AFDN: variants seen among roughly 807,000 people sequenced by gnomAD.
AFDN encodes the protein afadin, adherens junction formation factor, also known as afadin.
Under a neutral mutation model 216.6 loss-of-function variants are expected in AFDN, and 68 were observed. The observed-to-expected ratio is 0.31, with a 90% CI of 0.26 to 0.38. The LOEUF (loss-of-function observed/expected upper bound fraction) is 0.38, where lower values mean the gene tolerates loss of function less well. Among genes scored for constraint, AFDN ranks in the 10% least tolerant of loss-of-function variants. The probability of loss-of-function intolerance (pLI) is 1.00; values close to 1 mark genes in which losing one functional copy is unlikely to be tolerated. For missense variants in AFDN, 2,136 were observed against 2,342.0 expected (o/e 0.91, Z 1.82); for synonymous variants, 868 against 853.7 (o/e 1.02, Z -0.29).
At chr6:167,969,507 G>A (rs1049152162) in intron 33 of AFDN, among the ~76,000 whole-genome samples, 1 of 152,146 alleles carries the variant, frequency 6.6e-6, no homozygotes, top group African/African-American at 2.4e-5. Flanking sequence ...CACTTAACTG[G>A]TAAGAGTCAC....
In AFDN at chr6:167,917,381, C is replaced by T. The variant is rs114776478; in HGVS notation, c.2709+149C>T. 7,327 of 887,758 alleles carry T rather than the reference C, an allele frequency of 8.3e-3. 68 individuals are homozygous for T. The highest frequency in any genetic ancestry group is 0.028 in the East Asian group (928 of 33,728). 55.0% of individuals were successfully genotyped at this position (887,758 alleles called of 1,614,324 possible). On this transcript the variant is annotated intron_variant, in intron 20 of 33. Coordinates refer to ENST00000683244, the MANE Select transcript of AFDN (RefSeq NM_001386888.1). ...ATTTTCGTGTTGCTGTCCAAGAGTT[C>T]AATGAAAAAACAGAAACTATACTCC...
intron 31 of AFDN, chr6:167,963,456 A>G (rs1055091239): frequency 4.7e-6 from 5 of 1,053,170 alleles, no homozygotes; most frequent in Admixed American, 5.5e-5. Flanking sequence ...TGGATAGTCT[A>G]GTGAACTATA....
Position 167,951,308 on chromosome 6 carries a change from A to G in AFDN, c.3954A>G (p.Ser1318=). Residue 1318 remains serine (S), a synonymous_variant, in exon 30 of 34, where the codon TCA becomes TCG. Transcript: ENST00000683244. The surrounding 1 kb of genome is among the most constrained non-coding windows in gnomAD (Gnocchi z 7.1). The stretch of plus-strand genomic sequence containing the variant: ...ATATGTGGATAAATCAGAGCTCCTC[A>G]CTGGACTCCAGTACCTCTAGCCAGG... The part of the protein sequence containing the change: ...DSDMWINQSS[S]LDSSTSSQEH... 6.2e-7 allele frequency: 1 copy of G among 1,614,162 alleles called. No homozygotes were observed. The highest frequency in any genetic ancestry group is 8.5e-7 in the Non-Finnish European group (1 of 1,180,028).
At chr6:167,882,340 T>C (rs1393576965) in intron 6 of AFDN, among the ~76,000 whole-genome samples, 1 of 152,108 alleles carries the variant, frequency 6.6e-6, no homozygotes, top group Non-Finnish European at 1.5e-5. Flanking sequence ...ATTTAGATTA[T>C]TAGTGTAGAA....
intron 12 of AFDN, among the ~76,000 whole-genome samples, chr6:167,905,257 T>C (rs535933250): frequency 6.6e-6 from 1 of 152,350 alleles, no homozygotes; most frequent in East Asian, 1.9e-4. Flanking sequence ...GAATGTGAAC[T>C]CTGCAAGTGG....
intron 1 of AFDN, among the ~76,000 whole-genome samples, chr6:167,854,468 T>G (rs1394953828): frequency 6.6e-6 from 1 of 152,068 alleles, no homozygotes; most frequent in East Asian, 1.9e-4. Flanking sequence ...CTTATTAACA[T>G]TTCTTTAATT....
In AFDN at chr6:167,951,645, G is replaced by T; in HGVS notation, c.4291G>T (p.Ala1431Ser). Reference protein sequence around the residue: ...EHQRWYEKEKARLEEERERKR... With the variant: ...EHQRWYEKEKSRLEEERERKR... The stretch of plus-strand genomic sequence containing the variant: ...TCAGCGTTGGTATGAGAAGGAGAAG[G>T]CCCGCCTGGAGGAGGAGCGGGAGAG... Residue 1431 changes from alanine (A) to serine (S), a missense_variant, in exon 30 of 34, where the codon GCC becomes TCC. Physicochemically the swap from Ala to Ser is moderately conservative, Grantham distance 99. Around this residue, in one of 8 missense-constraint regions of AFDN, gnomAD observed 981 missense variants for 966.0 expected, o/e 1.02. Transcript: ENST00000683244. This position sits in a 1 kb window ranked among gnomAD's most constrained non-coding sequence, Gnocchi z 7.1. The T allele has an allele frequency of 6.2e-7, 1 of 1,614,088 alleles. No individual in the cohort carries two copies. The highest frequency in any genetic ancestry group is 8.5e-7 in the Non-Finnish European group (1 of 1,179,994).
intron 1 of AFDN, among the ~76,000 whole-genome samples, chr6:167,829,296 C>T (rs1779567473): frequency 1.3e-5 from 2 of 152,084 alleles, no homozygotes; most frequent in Admixed American, 6.6e-5. Context: ...CTTTCCTGTA[C>T]TATTAAATTT....
At chr6:167,954,944 G>A (rs1796346905) in intron 30 of AFDN, among the ~76,000 whole-genome samples, 1 of 151,726 alleles carries the variant, frequency 6.6e-6, no homozygotes, top group Non-Finnish European at 1.5e-5. Flanking sequence ...GATTTCCAGT[G>A]AACATGTATT....
intron 26 of AFDN, among the ~76,000 whole-genome samples, chr6:167,944,855 G>T (rs936798666): frequency 1.3e-5 from 2 of 152,138 alleles, no homozygotes; most frequent in African/African-American, 4.8e-5. Context: ...GAGCTTGTAG[G>T]ATGGAAGTTG....
intron 8 of AFDN, among the ~76,000 whole-genome samples, chr6:167,891,435 G>C (rs1787588157): frequency 6.6e-6 from 1 of 151,578 alleles, no homozygotes; most frequent in African/African-American, 2.4e-5. Context: ...GTGTGTGTGT[G>C]TGTGTGTGTG....
intron 30 of AFDN, among the ~76,000 whole-genome samples, chr6:167,957,841 G>A (rs1472402013): frequency 6.6e-6 from 1 of 152,142 alleles, no homozygotes; most frequent in Non-Finnish European, 1.5e-5. Context: ...TGCCTTCATT[G>A]CTCCAGGTTG....
intron 16 of AFDN, 62 bp downstream of exon 16, chr6:167,913,485 C>A: frequency 6.9e-7 from 1 of 1,456,496 alleles, no homozygotes; most frequent in South Asian, 1.2e-5. Context: ...TCATGCTGCT[C>A]CCATGTCAAA....
intron 31 of AFDN, chr6:167,965,093 A>G (rs1184243290): frequency 9.8e-7 from 1 of 1,024,134 alleles, no homozygotes; most frequent in South Asian, 4.6e-5. Flanking sequence ...TTGAAATACA[A>G]GTTAAGAACT....
intron 26 of AFDN, among the ~76,000 whole-genome samples, chr6:167,945,420 A>G (rs1316809730): frequency 1.3e-5 from 2 of 152,230 alleles, no homozygotes; most frequent in African/African-American, 2.4e-5. Flanking sequence ...TTATAAGTAA[A>G]GGGAGTACAC....
intron 1 of AFDN, among the ~76,000 whole-genome samples, chr6:167,850,865 A>G (rs1036810002): frequency 8.1e-6 from 1 of 123,068 alleles, no homozygotes; most frequent in African/African-American, 3.1e-5. Context: ...TTGTATTTCA[A>G]CAATATAATT....
chr6:167,963,310 C>A, intron 31 of AFDN: 2 of 1,062,210 alleles, frequency 1.9e-6, no homozygotes, highest in South Asian at 4.6e-5. Context: ...TGTTTCATCC[C>A]GAGGGGACTG....
In AFDN at chr6:167,970,857, C is replaced by T. The variant is rs1797975389; in HGVS notation, c.*922C>T. The T allele has an allele frequency of 9.2e-6, 2 of 217,008 alleles. No individual in the cohort carries two copies. The highest frequency in any genetic ancestry group is 1.8e-5 in the Non-Finnish European group (2 of 108,218). The allele number at this position is 217,008 out of a possible 1,614,324, so 13.4% of individuals were successfully genotyped here. ...AGGGACCCCTCAAGCACAGCTGTCA[C>T]TCAGAAATTTTAAATTTGAAAAAGA... On this transcript the variant is annotated 3_prime_UTR_variant, in exon 34 of 34. Coordinates refer to ENST00000683244, the MANE Select transcript of AFDN (RefSeq NM_001386888.1).
intron 1 of AFDN, among the ~76,000 whole-genome samples, chr6:167,842,177 T>C (rs1781145623): frequency 6.6e-6 from 1 of 152,192 alleles, no homozygotes; most frequent in African/African-American, 2.4e-5. Flanking sequence ...ACTGCCTTTC[T>C]TGATAGCCTT....
Sources: allele counts gnomAD v4.1 joint callset (sites outside exome capture counted in the v4.1 genomes callset), GRCh38; gene constraint gnomAD v4.1.1; regional missense constraint gnomAD v4.1.1; non-coding constraint Gnocchi (gnomAD v3.1); transcripts MANE v1.5; gene names NCBI Gene and HGNC (gene_info 2026-07-23, HGNC 2026-07-21).